The following LIG3 variants were observed in gnomAD, a reference collection of about 807,000 sequenced individuals.
LIG3 encodes the protein DNA ligase 3.
Under a neutral mutation model 110.9 loss-of-function variants are expected in LIG3, and 58 were observed. The ratio of observed to expected loss-of-function variants is 0.52; its 90% confidence interval spans 0.42 to 0.65. The LOEUF (loss-of-function observed/expected upper bound fraction) is 0.65. LIG3 is among the 30% of genes least tolerant of loss of function. LIG3 has a pLI of 0.00. For synonymous variants in LIG3, 422 were observed against 472.8 expected (o/e 0.89, Z 1.39); for missense variants, 1,094 against 1,273.8 (o/e 0.86, Z 2.15).
At chr17:34,982,905 A>C (rs543887529) in intron 1 of LIG3, 97 bp from the exon 2 acceptor site, 2 of 866,674 alleles carry the variant, frequency 2.3e-6, no homozygotes, top group Non-Finnish European at 3.5e-6. Context: ...ATTAGTCATC[A>C]TGGACTATAT....
rs771903503 is a variant in LIG3, at chr17:34,991,726, C to G, written c.1097C>G (p.Pro366Arg). Residue 366 changes from proline (P) to arginine (R), a missense_variant, in exon 6 of 20, where the codon CCA (proline) becomes CGA (arginine). Pro to Arg is a moderately radical substitution (Grantham distance 103, BLOSUM62 -2). Transcript: ENST00000378526. ...TTTGAGCAGAGCAAGTCTTTCCCCCCAGCTGCCAAGAGCCTCCTTACCATC... is the reference window on the plus strand; with the variant it reads ...TTTGAGCAGAGCAAGTCTTTCCCCCGAGCTGCCAAGAGCCTCCTTACCATC... Reference protein sequence around the residue: ...VFFEQSKSFPPAAKSLLTIQE... With the variant: ...VFFEQSKSFPRAAKSLLTIQE... The G allele has an allele frequency of 3.7e-6, 6 of 1,613,906 alleles. No homozygotes were observed. The East Asian group carries it at 1.3e-4, about 36-fold the overall frequency.
chr17:35,002,916 C>G, intron 19 of LIG3, 127 bp downstream of exon 19: 2 of 1,604,146 alleles, frequency 1.2e-6, no homozygotes, highest in East Asian at 2.2e-5. Flanking sequence ...AAACCTCTTC[C>G]CTGCCTGCAG....
chr17:34,997,369 G>C (rs911388610), intron 11 of LIG3: 1 of 194,232 alleles, frequency 5.1e-6, no homozygotes. Flanking sequence ...CCTACCCCGG[G>C]GTTGGCCTTG....
At chr17:34,992,768 A>ATGAGTGT in intron 8 of LIG3, 76 bp downstream of exon 8, 1 of 1,394,000 alleles carries the variant, frequency 7.2e-7, no homozygotes, top group Non-Finnish European at 9.5e-7. Flanking sequence ...CAGATAGGGT[A>ATGAGTGT]TGAGTGTTGA....
Position 34,995,971 on chromosome 17 carries a change from A to G in LIG3, c.1612-93A>G. 10 of 1,486,768 alleles carry G rather than the reference A, an allele frequency of 6.7e-6. No individual in the cohort carries two copies. In the South Asian group the frequency reaches 1.2e-4, roughly 17 times the overall value. 92.1% of individuals were successfully genotyped at this position (1,486,768 alleles called of 1,614,324 possible). On this transcript the variant is annotated intron_variant, in intron 9 of 19. Coordinates refer to ENST00000378526, the MANE Select transcript of LIG3 (RefSeq NM_013975.4). ...CTGGGCCTTCCACATGTTGTTCTAT[A>G]TCCTGTCTGGGCCCGGGCTTTGCCC...
chr17:34,980,555 T>G lies in LIG3; in HGVS notation c.-72T>G, dbSNP rs1051814408. On this transcript the variant is annotated 5_prime_UTR_variant, in exon 1 of 20. Coordinates refer to ENST00000378526, the MANE Select transcript of LIG3 (RefSeq NM_013975.4). ...AAAGAGACAGGCGCTCCAACCGTCG[T>G]GGGCTGCCCGCGGCCTGTAATGAGC... 7 of 1,287,778 alleles carry G rather than the reference T, an allele frequency of 5.4e-6. No individual in the cohort carries two copies. Among genetic ancestry groups the G allele is most frequent in the African/African-American group, 1.5e-5 (1 of 65,890 alleles). 79.8% of individuals were successfully genotyped at this position (1,287,778 alleles called of 1,614,324 possible).
chr17:34,986,531 A>C (rs1365942987), intron 3 of LIG3, among the ~76,000 whole-genome samples: 1 of 152,190 alleles, frequency 6.6e-6, no homozygotes, highest in Non-Finnish European at 1.5e-5. Context: ...CACGTTGGCC[A>C]GGCTGGTCTC....
intron 5 of LIG3, 126 bp downstream of exon 5, chr17:34,991,240 A>C: frequency 1.1e-6 from 1 of 893,094 alleles, no homozygotes; most frequent in Non-Finnish European, 1.7e-6. Flanking sequence ...AACCCATTTG[A>C]GCAAGCTTCC....
intron 9 of LIG3, among the ~76,000 whole-genome samples, chr17:34,995,605 A>G (rs575430850): frequency 3.4e-4 from 51 of 152,164 alleles, no homozygotes; most frequent in Non-Finnish European, 7.1e-4. Flanking sequence ...TCCCACTCAG[A>G]GAAGACACTG....
intron 7 of LIG3, 45 bp from the exon 8 acceptor site, chr17:34,992,479 A>G: frequency 2.0e-6 from 3 of 1,527,904 alleles, no homozygotes; most frequent in Non-Finnish European, 2.6e-6. Context: ...ATGGAGTCAA[A>G]CAAAGGCAGT....
chr17:34,996,747 G>A (rs1257100444), intron 11 of LIG3, 94 bp downstream of exon 11: 41 of 1,096,766 alleles, frequency 3.7e-5, no homozygotes, highest in Non-Finnish European at 5.5e-5. Context: ...TGGAAAGGAG[G>A]GTACAGGGAA....
At chr17:35,000,727 C>T (rs1443254534) in intron 16 of LIG3, among the ~76,000 whole-genome samples, 1 of 144,308 alleles carries the variant, frequency 6.9e-6, no homozygotes, top group Non-Finnish European at 1.5e-5. Context: ...GCAGTTCTCT[C>T]ACCTCAGTCT....
intron 2 of LIG3, 89 bp downstream of exon 2, chr17:34,983,641 A>C (rs1240892004): frequency 7.7e-7 from 1 of 1,303,310 alleles, no homozygotes; most frequent in African/African-American, 1.5e-5. Flanking sequence ...CTTTTTTTTA[A>C]CTTTGCTCTT....
intron 19 of LIG3, 199 bp from the exon 20 acceptor site, chr17:35,004,074 C>G (rs973134474): frequency 1.7e-5 from 10 of 576,728 alleles, no homozygotes; most frequent in Non-Finnish European, 3.1e-5. Context: ...TTCCCCTAGG[C>G]AGGGATGGAG....
chr17:34,991,290 T>C, intron 5 of LIG3, 176 bp downstream of exon 5: 1 of 638,504 alleles, frequency 1.6e-6, no homozygotes, highest in Admixed American at 3.1e-5. Context: ...AGCTCTTAAT[T>C]TCTTAAGTTT....
intron 11 of LIG3, chr17:34,997,194 C>T (rs1461524430): frequency 1.8e-5 from 3 of 164,280 alleles, no homozygotes; most frequent in African/African-American, 4.8e-5. Flanking sequence ...TATGCTTGTG[C>T]CTGAGAAACC....
rs748843886 is a variant in LIG3, at chr17:35,004,404, G to A, written c.2928G>A (p.Thr976=). Residue 976 remains threonine (T), a synonymous_variant, in exon 20 of 20, where the codon ACG becomes ACA. Coordinates refer to ENST00000378526, the MANE Select transcript of LIG3 (RefSeq NM_013975.4). ...LVQEFDMTSA[T]HVLGSRDKNP... is the part of the protein sequence containing the mutation. ...AGGAATTTGATATGACTTCAGCCAC[G>A]CACGTGCTGGGTAGCAGGGACAAGA... 2.4e-5 allele frequency: 38 copies of A among 1,614,072 alleles called. No homozygotes were observed. The highest frequency in any genetic ancestry group is 1.6e-4 in the Middle Eastern group (1 of 6,084).
chr17:34,991,173 CA>C lies in LIG3; in HGVS notation c.1041+60del, dbSNP rs1006967801. 36 of 1,506,176 alleles carry C rather than the reference CA, an allele frequency of 2.4e-5. No homozygotes were observed. The African/African-American group carries it at 4.1e-4, about 17-fold the overall frequency. 93.3% of individuals were successfully genotyped at this position (1,506,176 alleles called of 1,614,324 possible). A position where few individuals can be genotyped will look rare whatever the true frequency, so the allele number is the denominator to read the frequency against. ...CCAGGTGGGGTTTTGCCAAGCCAGGCACCTGCAGCCTCTTTTTTTTTTTCTG... is the reference window on the plus strand; with the variant it reads ...CCAGGTGGGGTTTTGCCAAGCCAGGCCCTGCAGCCTCTTTTTTTTTTTCTG... On this transcript the variant is annotated intron_variant, in intron 5 of 19. Coordinates refer to ENST00000378526, the MANE Select transcript of LIG3 (RefSeq NM_013975.4).
Position 34,994,314 on chromosome 17 carries a change from A to G in LIG3, c.1494A>G (p.Lys498=), listed in dbSNP as rs1429336460. The change falls in exon 9 of 20, where the codon AAA becomes AAG. Residue 498 remains lysine (K), a synonymous_variant. Coordinates refer to ENST00000378526, the MANE Select transcript of LIG3 (RefSeq NM_013975.4). ...ACKSVEYAMK[K]CPNGMFSEIK... ...AGTCCGTTGAGTATGCAATGAAGAA[A>G]TGTCCCAATGGCATGTTCTCTGAGA... 1.9e-6 allele frequency: 3 copies of G among 1,614,024 alleles called. No individual in the cohort carries two copies. The South Asian group carries it at 3.3e-5, about 18-fold the overall frequency.
Sources: allele counts gnomAD v4.1 joint callset (sites outside exome capture counted in the v4.1 genomes callset), GRCh38; gene constraint gnomAD v4.1.1; transcripts MANE v1.5; gene names NCBI Gene and HGNC (gene_info 2026-07-23, HGNC 2026-07-21).